Variants in ANKRD28 observed in about 807,000 individuals in gnomAD.
ANKRD28 encodes the protein serine/threonine-protein phosphatase 6 regulatory ankyrin repeat subunit A.
A neutral mutation model predicts 126.5 loss-of-function variants in ANKRD28; 44 were observed. The ratio of observed to expected loss-of-function variants is 0.35; its 90% CI spans 0.27 to 0.45. The LOEUF (loss-of-function observed/expected upper bound fraction) is 0.45, where lower values mean the gene tolerates loss of function less well. Among genes scored for constraint, ANKRD28 ranks in the 20% least tolerant of loss-of-function variants. The probability of loss-of-function intolerance (pLI) is 1.00; values close to 1 mark genes in which losing one functional copy is unlikely to be tolerated. For missense variants in ANKRD28, 1,110 were observed against 1,316.6 expected, an observed-to-expected ratio of 0.84 and a Z score of 2.43; for synonymous variants, 442 against 468.5, an observed-to-expected ratio of 0.94 and a Z score of 0.73.
In ANKRD28 at chr3:15,796,894, T is replaced by C; in HGVS notation, c.-373A>G. The C allele has an allele frequency of 1.0e-6, 1 of 987,642 alleles. No individual in the cohort carries two copies. Among genetic ancestry groups the C allele is most frequent in the Non-Finnish European group, 1.2e-6 (1 of 831,348 alleles). The allele number at this position is 987,642 out of a possible 1,614,324, so 61.2% of individuals were successfully genotyped here. A position where few individuals can be genotyped will look rare whatever the true frequency, so the allele number is the denominator to read the frequency against. ...AAATTTACTTGCACAAAACAATCAT[T>C]GTTTTTGGTGACACAACACCACACA... On this transcript the variant is annotated 5_prime_UTR_variant, in exon 1 of 28. Coordinates refer to ENST00000683139, the MANE Select transcript of ANKRD28 (RefSeq NM_001349278.2).
upstream of ANKRD28, among the ~76,000 whole-genome samples, chr3:15,799,892 C>T (rs138976774): frequency 2.0e-5 from 3 of 152,076 alleles, no homozygotes; most frequent in East Asian, 3.9e-4. Context: ...TGAATTCTGT[C>T]GTCACGAGAC....
chr3:15,736,323 G>A (rs2075013808), intron 5 of ANKRD28, among the ~76,000 whole-genome samples: 3 of 152,152 alleles, frequency 2.0e-5, no homozygotes, highest in Admixed American at 1.3e-4. Context: ...TATAGGGTTT[G>A]GTACTATCCA....
intron 2 of ANKRD28, among the ~76,000 whole-genome samples, chr3:15,775,454 T>C (rs571700573): frequency 6.6e-6 from 1 of 152,284 alleles, no homozygotes; most frequent in South Asian, 2.1e-4. Context: ...TACCTGAAGA[T>C]AGCATCAGAT....
intron 1 of ANKRD28, among the ~76,000 whole-genome samples, chr3:15,824,732 T>G (rs2125918945): frequency 6.6e-6 from 1 of 152,380 alleles, no homozygotes; most frequent in South Asian, 2.1e-4. Flanking sequence ...GTGCTGAGTG[T>G]GTGCATGTGC....
intron 7 of ANKRD28, among the ~76,000 whole-genome samples, chr3:15,723,558 C>A (rs1214274210): frequency 6.6e-6 from 1 of 151,982 alleles, no homozygotes; most frequent in Non-Finnish European, 1.5e-5. Context: ...TTTGGGAGAC[C>A]AAGGCAGGAG....
At chr3:15,770,864 A>C (rs1419040319) in intron 2 of ANKRD28, among the ~76,000 whole-genome samples, 1 of 152,198 alleles carries the variant, frequency 6.6e-6, no homozygotes, top group Admixed American at 6.5e-5. Context: ...TTCCTGTAGT[A>C]ACTATGTAGA....
chr3:15,834,416 A>G (rs747968076), intron 1 of ANKRD28, among the ~76,000 whole-genome samples: 4 of 152,028 alleles, frequency 2.6e-5, no homozygotes, highest in Non-Finnish European at 5.9e-5. Flanking sequence ...ATATATATCT[A>G]TTTTTATGCC....
chr3:15,756,382 T>C lies in ANKRD28; in HGVS notation c.281-4562A>G, dbSNP rs148778010. On this transcript the variant is annotated intron_variant, in intron 3 of 27. Transcript: ENST00000683139. Reference sequence around the variant, plus strand: ...CATATAAAAGTGCACTCTGAAACAATAGTTTTGTAAAAGAAAAGGTTACCT... The same window carrying C: ...CATATAAAAGTGCACTCTGAAACAACAGTTTTGTAAAAGAAAAGGTTACCT... 125 of 528,278 alleles carry C rather than the reference T, an allele frequency of 2.4e-4. No individual in the cohort carries two copies. In the South Asian group the frequency reaches 5.6e-3, roughly 23 times the overall value. 32.7% of individuals were successfully genotyped at this position (528,278 alleles called of 1,614,324 possible).
chr3:15,718,553 T>G (rs2073339101), intron 8 of ANKRD28, among the ~76,000 whole-genome samples: 1 of 152,160 alleles, frequency 6.6e-6, no homozygotes, highest in Non-Finnish European at 1.5e-5. Flanking sequence ...GGTACTATAG[T>G]CACCTAAGTA....
At chr3:15,777,271 CAAA>C (rs148444429) in intron 2 of ANKRD28, among the ~76,000 whole-genome samples, 8,856 of 111,578 alleles carry the variant, frequency 0.079, 451 homozygotes, top group East Asian at 0.35. Context: ...GACTCCGTCT[CAAA>C]AAAAAAAAAA....
intron 1 of ANKRD28, among the ~76,000 whole-genome samples, chr3:15,806,828 G>A (rs1043520663): frequency 6.6e-6 from 1 of 152,044 alleles, no homozygotes; most frequent in Non-Finnish European, 1.5e-5. Flanking sequence ...GGCCCATCAT[G>A]ACATCTTAAT....
At chr3:15,832,522 TA>T (rs1279336439) in intron 1 of ANKRD28, among the ~76,000 whole-genome samples, 1 of 152,246 alleles carries the variant, frequency 6.6e-6, no homozygotes, top group African/African-American at 2.4e-5. Context: ...TACATGCACT[TA>T]CTGCATTGTG....
chr3:15,675,391 C>T (rs2470537), intron 27 of ANKRD28, among the ~76,000 whole-genome samples: 81,048 of 151,890 alleles, frequency 0.53, 22,522 homozygotes, highest in Middle Eastern at 0.63. Flanking sequence ...CTGGCAGGAG[C>T]AGTGAGATTT....
chr3:15,813,825 A>G (rs937975695), intron 1 of ANKRD28, among the ~76,000 whole-genome samples: 3 of 152,238 alleles, frequency 2.0e-5, no homozygotes, highest in Non-Finnish European at 2.9e-5. Flanking sequence ...TGTGCAGCAC[A>G]ATCATTTAAC....
intron 3 of ANKRD28, among the ~76,000 whole-genome samples, chr3:15,756,254 A>G (rs1016791499): frequency 1.4e-4 from 21 of 152,324 alleles, no homozygotes; most frequent in African/African-American, 5.1e-4. Flanking sequence ...CTGCAGGATC[A>G]CCTAAACAGG....
intron 7 of ANKRD28, among the ~76,000 whole-genome samples, chr3:15,722,399 G>A (rs1039896691): frequency 6.6e-6 from 1 of 152,242 alleles, no homozygotes; most frequent in African/African-American, 2.4e-5. Context: ...TCCGTGAAGA[G>A]TGGACAAGGG....
At chr3:15,818,224 T>C (rs1348654774) in intron 1 of ANKRD28, among the ~76,000 whole-genome samples, 6 of 152,152 alleles carry the variant, frequency 3.9e-5, no homozygotes, top group African/African-American at 1.4e-4. Context: ...ATATATACTA[T>C]GTTTTGTCCG....
intron 2 of ANKRD28, among the ~76,000 whole-genome samples, chr3:15,769,581 A>G (rs2058902680): frequency 6.6e-6 from 1 of 152,186 alleles, no homozygotes; most frequent in African/African-American, 2.4e-5. Flanking sequence ...AAAAATTCTT[A>G]ATCTTTATTT....
In ANKRD28 at chr3:15,686,019, T is replaced by C. The variant is rs2068084206; in HGVS notation, c.2152A>G (p.Thr718Ala). 1.2e-6 allele frequency: 2 copies of C among 1,613,466 alleles called. No homozygotes were observed. Among genetic ancestry groups the C allele is most frequent in the African/African-American group, 1.3e-5 (1 of 74,940 alleles). The change falls in exon 20 of 28, where the codon ACA becomes GCA. Residue 718 changes from threonine to alanine, a missense_variant. By Grantham distance (58) the Thr-to-Ala change is moderately conservative. Transcript: ENST00000683139. Reference sequence around the variant, plus strand: ...CTGCTTACCCCTCTATGCAACGCTGTCCTTCCCCACTTATCTTTGGCATCT... The same window carrying C: ...CTGCTTACCCCTCTATGCAACGCTGCCCTTCCCCACTTATCTTTGGCATCT... ...NVDAKDKWGR[T>A]ALHRGAVTGH...
Sources: gnomAD v4.1 joint callset for allele counts (sites outside exome capture counted in the v4.1 genomes callset) on GRCh38, gnomAD v4.1.1 for gene constraint, MANE v1.5 for transcripts, NCBI Gene and HGNC (gene_info 2026-07-23, HGNC 2026-07-21) for gene names.